Variants in PDZD2 observed in about 807,000 individuals in gnomAD.
PDZD2 encodes the protein PDZ domain-containing protein 2.
PDZD2 carries 90 observed loss-of-function variants against 220.7 expected under a neutral mutation model. The ratio of observed to expected loss-of-function variants is 0.41; its 90% CI spans 0.34 to 0.49. The LOEUF (loss-of-function observed/expected upper bound fraction) is 0.49, where lower values mean the gene tolerates loss of function less well. PDZD2 is among the 20% of genes least tolerant of loss of function. The pLI, the probability that PDZD2 is intolerant of heterozygous loss-of-function variation, is 0.28. For missense variants in PDZD2, 3,174 were observed against 3,608.5 expected, an observed-to-expected ratio of 0.88 and a Z score of 3.08; for synonymous variants, 1,375 against 1,450.5, an observed-to-expected ratio of 0.95 and a Z score of 1.18.
intron 14 of PDZD2, among the ~76,000 whole-genome samples, chr5:32,063,206 A>C (rs955432061): frequency 6.6e-6 from 1 of 151,622 alleles, no homozygotes; most frequent in Non-Finnish European, 1.5e-5. Context: ...CACCATGCCC[A>C]GCTAATTTTT....
At chr5:31,849,949 CATAT>C (rs1167189434) in intron 2 of PDZD2, among the ~76,000 whole-genome samples, 2 of 20,454 alleles carry the variant, frequency 9.8e-5, no homozygotes, top group Non-Finnish European at 1.6e-4. Context: ...TATATATATA[CATAT>C]ATATATATAC....
intron 2 of PDZD2, chr5:31,820,593 C>G (rs1016190507): frequency 6.6e-6 from 1 of 151,904 alleles, no homozygotes. Context: ...CCATGCTAAT[C>G]TTCTCTGTAT....
intron 1 of PDZD2, among the ~76,000 whole-genome samples, chr5:31,697,886 T>C (rs762397423): frequency 1.2e-4 from 16 of 131,686 alleles, no homozygotes; most frequent in Non-Finnish European, 2.4e-4. Flanking sequence ...TATTTCTTTA[T>C]TATTATTATT....
intron 2 of PDZD2, among the ~76,000 whole-genome samples, chr5:31,802,781 G>A (rs533166445): frequency 1.9e-4 from 29 of 152,072 alleles, no homozygotes; most frequent in Admixed American, 1.6e-3. Context: ...TTAGCCGGGC[G>A]TGGTGGCGGG....
At chr5:31,643,547 C>T (rs189331939) in intron 1 of PDZD2, among the ~76,000 whole-genome samples, 7 of 152,230 alleles carry the variant, frequency 4.6e-5, no homozygotes, top group Non-Finnish European at 1.0e-4. Flanking sequence ...AGAGAACTTG[C>T]CCCATTAGAC....
At chr5:32,037,897 A>AT (rs1755682777) in intron 7 of PDZD2, among the ~76,000 whole-genome samples, 1 of 151,332 alleles carries the variant, frequency 6.6e-6, no homozygotes, top group African/African-American at 2.4e-5. Flanking sequence ...GCTAAAGTGC[A>AT]GTGGCATGAT....
chr5:31,899,333 A>G (rs1212705005), intron 2 of PDZD2, among the ~76,000 whole-genome samples: 1 of 152,062 alleles, frequency 6.6e-6, no homozygotes, highest in African/African-American at 2.4e-5. Flanking sequence ...GGGTTTCACC[A>G]TGTTGACCAG....
intron 1 of PDZD2, among the ~76,000 whole-genome samples, chr5:31,748,529 A>G (rs1750738208): frequency 1.3e-5 from 2 of 152,188 alleles, no homozygotes; most frequent in South Asian, 4.1e-4. Context: ...TCCTCTTCAG[A>G]GAAGGCAGGA....
At chr5:31,878,561 T>TTTTTTTTTTTTTTTG (rs1739541126) in intron 2 of PDZD2, among the ~76,000 whole-genome samples, 1 of 89,080 alleles carries the variant, frequency 1.1e-5, no homozygotes, top group Non-Finnish European at 2.0e-5. Context: ...TCGGCTTTTT[T>TTTTTTTTTTTTTTTG]TTTTTTTTTT....
chr5:31,945,464 G>T (rs762117343), intron 2 of PDZD2, among the ~76,000 whole-genome samples: 4 of 152,116 alleles, frequency 2.6e-5, no homozygotes, highest in Non-Finnish European at 5.9e-5. Context: ...TATCTTCTGG[G>T]GAGAGAGGTG....
At chr5:31,748,324 C>T (rs1161518970) in intron 1 of PDZD2, among the ~76,000 whole-genome samples, 4 of 152,130 alleles carry the variant, frequency 2.6e-5, no homozygotes, top group South Asian at 2.1e-4. Flanking sequence ...ATTCTAGACC[C>T]GACTTGCTCA....
chr5:31,940,461 T>C (rs1746118115), intron 2 of PDZD2, among the ~76,000 whole-genome samples: 1 of 152,218 alleles, frequency 6.6e-6, no homozygotes, highest in Non-Finnish European at 1.5e-5. Context: ...GGACTCTAGA[T>C]CTGCCTTCCC....
chr5:32,080,347 CAAAAAA>C (rs35491724), intron 19 of PDZD2, among the ~76,000 whole-genome samples: 21 of 54,268 alleles, frequency 3.9e-4, no homozygotes, highest in South Asian at 1.8e-3. Flanking sequence ...GACTCCATCT[CAAAAAA>C]AAAAAAAAAA....
intron 1 of PDZD2, among the ~76,000 whole-genome samples, chr5:31,755,524 T>C (rs1248420885): frequency 1.3e-5 from 2 of 152,142 alleles, no homozygotes; most frequent in South Asian, 2.1e-4. Context: ...CTCGAATGAG[T>C]ACGCTTTGTT....
chr5:31,822,207 C>G (rs1279915315), intron 2 of PDZD2, among the ~76,000 whole-genome samples: 1 of 151,498 alleles, frequency 6.6e-6, no homozygotes, highest in Non-Finnish European at 1.5e-5. Flanking sequence ...TGGGTATATA[C>G]CCAGTAATGG....
In PDZD2 at chr5:32,101,136, T is replaced by C; in HGVS notation, c.8250T>C (p.Cys2750=). The C allele has an allele frequency of 6.2e-7, 1 of 1,614,088 alleles. No homozygotes were observed. Among genetic ancestry groups the C allele is most frequent in the Non-Finnish European group, 8.5e-7 (1 of 1,180,008 alleles). Residue 2750 remains cysteine, a synonymous_variant, in exon 24 of 25, where the codon TGT becomes TGC. Coordinates refer to ENST00000438447, the MANE Select transcript of PDZD2 (RefSeq NM_178140.4). ...GTGTGGCTGTACACGATGCTCTGTGTGTTGAAGTGCTGAAGACCTCGGCTG... is the reference window on the plus strand; with the variant it reads ...GTGTGGCTGTACACGATGCTCTGTGCGTTGAAGTGCTGAAGACCTCGGCTG... ...GRSVAVHDAL[C]VEVLKTSAGL... is the part of the protein sequence containing the mutation.
chr5:32,078,851 T>A (rs577029989), intron 19 of PDZD2, among the ~76,000 whole-genome samples: 3 of 151,844 alleles, frequency 2.0e-5, no homozygotes, highest in East Asian at 3.9e-4. Context: ...TATGTAAAAT[T>A]TGGCTACCCA....
In PDZD2 at chr5:31,639,258, A is replaced by T. The variant is rs1744840799; in HGVS notation, c.-540A>T. On this transcript the variant is annotated 5_prime_UTR_variant, in exon 1 of 25. Transcript: ENST00000438447. The surrounding 1 kb of genome is among the most constrained non-coding windows in gnomAD (Gnocchi z 4.1). ...AGCCGAGGAGCCGCAGGCCGAACCC[A>T]AGGCACCGGGATTGCGCCTCCCGCG... Among the ~76,000 whole-genome samples, 2 of 150,796 alleles carry T rather than the reference A, an allele frequency of 1.3e-5. No individual in the cohort carries two copies.
chr5:31,736,431 T>C (rs1432587506), intron 1 of PDZD2, among the ~76,000 whole-genome samples: 2 of 152,200 alleles, frequency 1.3e-5, no homozygotes, highest in African/African-American at 4.8e-5. Flanking sequence ...CAGCCCATAA[T>C]CTTGTTTCAA....
Sources: allele counts gnomAD v4.1 joint callset (sites outside exome capture counted in the v4.1 genomes callset), GRCh38; gene constraint gnomAD v4.1.1; non-coding constraint Gnocchi (gnomAD v3.1); transcripts MANE v1.5; gene names NCBI Gene and HGNC (gene_info 2026-07-23, HGNC 2026-07-21).